The following WWOX variants were observed in gnomAD, a reference collection of about 807,000 sequenced individuals.
WWOX encodes the protein WW domain containing oxidoreductase.
A neutral mutation model predicts 46.2 loss-of-function variants in WWOX; 69 were observed. The observed-to-expected ratio is 1.49, with a 90% CI of 1.23 to 1.82. WWOX has a LOEUF of 1.82. Among genes scored for constraint, WWOX ranks in the 40% most tolerant of loss-of-function variants. The pLI is 0.00. For synonymous variants in WWOX, 359 were observed against 202.6 expected, an observed-to-expected ratio of 1.77 and a Z score of -6.56; for missense variants, 919 against 542.6, an observed-to-expected ratio of 1.69 and a Z score of -6.89.
At position 78,346,790 on chromosome 16, in the gene WWOX, T is replaced by G. The variant is rs1440506699; in HGVS notation, c.517-40070T>G. Among the ~76,000 whole-genome samples, 8 of 120,830 alleles carry G rather than the reference T, an allele frequency of 6.6e-5. 4 individuals are homozygous for G. The South Asian group carries it at 2.0e-3, about 30-fold the overall frequency. 79.3% of individuals were successfully genotyped at this position (120,830 alleles called of 152,430 possible). On this transcript the variant is annotated intron_variant, in intron 5 of 8. Transcript: ENST00000566780. The stretch of plus-strand genomic sequence containing the variant: ...TGTGATCTTGGTTTACTGCAACCTC[T>G]GCCTACTGGGTTCAAGCGATTTTCC...
intron 5 of WWOX, among the ~76,000 whole-genome samples, chr16:78,363,487 C>T (rs775662789): frequency 3.9e-5 from 6 of 152,000 alleles, no homozygotes; most frequent in Non-Finnish European, 7.4e-5. Flanking sequence ...CTGTGTTTCC[C>T]AGGCTGTCCT....
intron 8 of WWOX, among the ~76,000 whole-genome samples, chr16:78,655,945 A>G (rs72794720): frequency 0.052 from 7,883 of 152,214 alleles, 285 homozygotes; most frequent in Non-Finnish European, 0.077. Flanking sequence ...AAAATCCACA[A>G]TGCACAGCCT....
intron 6 of WWOX, among the ~76,000 whole-genome samples, chr16:78,394,632 G>C (rs892109750): frequency 1.3e-5 from 2 of 152,176 alleles, no homozygotes; most frequent in African/African-American, 2.4e-5. Context: ...TCTTGTAAGG[G>C]GCCAGAGAGT....
At chr16:78,807,484 A>AT (rs752020413) in intron 8 of WWOX, among the ~76,000 whole-genome samples, 9 of 152,218 alleles carry the variant, frequency 5.9e-5, no homozygotes, top group Non-Finnish European at 1.2e-4. Flanking sequence ...CAGCTATAAC[A>AT]TCAAGGGCCC....
At chr16:78,611,670 G>A (rs545406077) in intron 8 of WWOX, among the ~76,000 whole-genome samples, 72 of 152,288 alleles carry the variant, frequency 4.7e-4, no homozygotes, top group Admixed American at 1.6e-3. Context: ...GATTTTTTAC[G>A]CAGAACAAAC....
At position 78,608,695 on chromosome 16, in the gene WWOX, C is replaced by T. The variant is rs576504216; in HGVS notation, c.1056+175943C>T. 1.1e-4 allele frequency among the ~76,000 whole-genome samples: 16 copies of T among 152,336 alleles called. No homozygotes were observed. In the South Asian group the frequency reaches 3.3e-3, roughly 32 times the overall value. ...TTGGTTTCAAAGGGAACAGGCATTA[C>T]TGACATGACGGGACCTTTACAGTTC... is the stretch of plus-strand genomic sequence containing the variant. On this transcript the variant is annotated intron_variant, in intron 8 of 8. Transcript: ENST00000566780.
intron 5 of WWOX, among the ~76,000 whole-genome samples, chr16:78,174,322 C>A (rs2035261447): frequency 6.6e-6 from 1 of 152,124 alleles, no homozygotes; most frequent in Admixed American, 6.5e-5. Context: ...CCCATCAGAT[C>A]TCTTGAGACT....
chr16:79,070,939 C>T (rs947270243), intron 8 of WWOX, among the ~76,000 whole-genome samples: 2 of 152,168 alleles, frequency 1.3e-5, no homozygotes, highest in Non-Finnish European at 2.9e-5. Context: ...CAATACACTT[C>T]CAGGGCAGGT....
chr16:78,695,028 C>CT (rs2048069590), intron 8 of WWOX, among the ~76,000 whole-genome samples: 1 of 152,110 alleles, frequency 6.6e-6, no homozygotes, highest in Non-Finnish European at 1.5e-5. Flanking sequence ...AAGCAAGCTG[C>CT]TTCTTTCAAA....
At chr16:78,317,271 CTCTCTCTCTGTCTG>C (rs1050906843) in intron 5 of WWOX, among the ~76,000 whole-genome samples, 2 of 152,176 alleles carry the variant, frequency 1.3e-5, no homozygotes, top group East Asian at 1.9e-4. Context: ...TGAATTCTCT[CTCTCTCTCTGTCTG>C]TCTCTCTCTG....
chr16:79,158,668 C>T (rs1214229195), intron 8 of WWOX, among the ~76,000 whole-genome samples: 1 of 152,226 alleles, frequency 6.6e-6, no homozygotes. Context: ...CTATCCTCCC[C>T]AGCTTTGCAC....
chr16:78,717,994 T>C (rs200709829), intron 8 of WWOX, among the ~76,000 whole-genome samples: 1 of 151,490 alleles, frequency 6.6e-6, no homozygotes, highest in Non-Finnish European at 1.5e-5. Flanking sequence ...TAAATGTTAA[T>C]AAGCATTTTT....
In WWOX at chr16:78,451,519, T is replaced by G. The variant is rs2083691015; in HGVS notation, c.1056+18767T>G. Among the ~76,000 whole-genome samples, 4 of 152,272 alleles carry G rather than the reference T, an allele frequency of 2.6e-5. No homozygotes were observed. The South Asian group carries it at 8.3e-4, about 32-fold the overall frequency. On this transcript the variant is annotated intron_variant, in intron 8 of 8. Coordinates refer to ENST00000566780, the MANE Select transcript of WWOX (RefSeq NM_016373.4). ...GATTTTGAAGTTGAAGAAACCAGCC[T>G]GGAATGAATCCCAGCCCTTCCTTTT... is the stretch of plus-strand genomic sequence containing the variant.
At chr16:78,531,548 A>G (rs2043621522) in intron 8 of WWOX, among the ~76,000 whole-genome samples, 1 of 152,146 alleles carries the variant, frequency 6.6e-6, no homozygotes, top group African/African-American at 2.4e-5. Flanking sequence ...TTAGAATGAG[A>G]TGAAAATAAA....
intron 5 of WWOX, among the ~76,000 whole-genome samples, chr16:78,185,610 C>T (rs951507764): frequency 1.1e-4 from 17 of 151,970 alleles, no homozygotes; most frequent in African/African-American, 1.7e-4. Context: ...TGGAGATATG[C>T]GTTCATTCAA....
At position 79,031,909 on chromosome 16, in the gene WWOX, T is replaced by TCTATATAC. The variant is rs1567501262; in HGVS notation, c.1057-179699_1057-179698insCTATATAC. ...ATCTGTATACAGATATCTATATATA[T>TCTATATAC]AGATATCTATATATATAGATATCTG... On this transcript the variant is annotated intron_variant, in intron 8 of 8. Coordinates refer to ENST00000566780, the MANE Select transcript of WWOX (RefSeq NM_016373.4). Among the ~76,000 whole-genome samples, 89 of 69,582 alleles carry TCTATATAC rather than the reference T, an allele frequency of 1.3e-3. 3 individuals carry two copies. The highest frequency in any genetic ancestry group is 2.4e-3 in the Admixed American group (14 of 5,864). The allele number at this position is 69,582 out of a possible 152,430, so 45.6% of individuals were successfully genotyped here.
At chr16:78,966,741 G>C (rs911900182) in intron 8 of WWOX, among the ~76,000 whole-genome samples, 1 of 152,076 alleles carries the variant, frequency 6.6e-6, no homozygotes. Flanking sequence ...CTCTTTTCAT[G>C]GTCTGCTGAT....
In WWOX at chr16:78,725,742, C is replaced by T. The variant is rs147843315; in HGVS notation, c.1056+292990C>T. Among the ~76,000 whole-genome samples the T allele has an allele frequency of 3.1e-3, 476 of 152,156 alleles. 4 individuals are homozygous for T. Among genetic ancestry groups the T allele is most frequent in the African/African-American group, 0.011 (456 of 41,506 alleles). ...GAGAAGTCCAAAATCAAGGTGTCAG[C>T]ACAGCCACGTTCTTTCTGAAGGCTC... On this transcript the variant is annotated intron_variant, in intron 8 of 8. Transcript: ENST00000566780.
intron 4 of WWOX, among the ~76,000 whole-genome samples, chr16:78,116,350 A>C (rs1012064263): frequency 4.6e-5 from 7 of 152,218 alleles, no homozygotes; most frequent in Non-Finnish European, 1.5e-5. Flanking sequence ...TTAGGGAGGC[A>C]CAGGAGGTAA....
Sources: allele counts gnomAD v4.1 joint callset (sites outside exome capture counted in the v4.1 genomes callset), GRCh38; gene constraint gnomAD v4.1.1; transcripts MANE v1.5; gene names NCBI Gene and HGNC (gene_info 2026-07-23, HGNC 2026-07-21).